STX7: variants seen among roughly 807,000 people sequenced by gnomAD.
The protein encoded by STX7 is syntaxin 7.
Under a neutral mutation model 39.6 loss-of-function variants are expected in STX7, and 34 were observed. That is an observed-to-expected ratio of 0.86 (90% CI 0.65 to 1.14). The LOEUF (loss-of-function observed/expected upper bound fraction) is 1.14. Ranked by LOEUF, STX7 falls within the 50% of genes most tolerant of loss-of-function variation. The pLI is 0.00. For missense variants in STX7, 284 were observed against 310.4 expected (o/e 0.92, Z 0.64); for synonymous variants, 119 against 99.1 (o/e 1.20, Z -1.19).
chr6:132,471,045 T>C (rs1322606924), intron 5 of STX7, among the ~76,000 whole-genome samples: 3 of 152,198 alleles, frequency 2.0e-5, no homozygotes, highest in African/African-American at 7.2e-5. Flanking sequence ...TCCAGGCTCA[T>C]GTTCATTTTC....
chr6:132,501,266 C>T (rs1775552869), intron 2 of STX7, among the ~76,000 whole-genome samples: 1 of 152,084 alleles, frequency 6.6e-6, no homozygotes, highest in African/African-American at 2.4e-5. Context: ...GTTGGTCAGG[C>T]TGGTCTCGAA....
At chr6:132,495,760 A>C (rs1371467126) in intron 2 of STX7, among the ~76,000 whole-genome samples, 1 of 152,184 alleles carries the variant, frequency 6.6e-6, no homozygotes, top group Non-Finnish European at 1.5e-5. Context: ...TGATCATTCT[A>C]AAAGTAACAA....
intron 1 of STX7, 104 bp from the exon 2 acceptor site, chr6:132,503,692 T>C (rs1052156585): frequency 4.0e-6 from 2 of 504,246 alleles, no homozygotes; most frequent in African/African-American, 2.0e-5. Flanking sequence ...ATTAATCTAA[T>C]AGAGTTGAAA....
At chr6:132,475,413 C>A in intron 3 of STX7, 180 bp downstream of exon 3, 1 of 396,790 alleles carries the variant, frequency 2.5e-6, no homozygotes, top group Non-Finnish European at 4.4e-6. Flanking sequence ...CTGCCTACTC[C>A]AGACAGGGAA....
chr6:132,461,865 C>A, intron 9 of STX7: 2 of 1,537,966 alleles, frequency 1.3e-6, no homozygotes, highest in Non-Finnish European at 1.8e-6. Flanking sequence ...CTTTTTCTTA[C>A]AAAGTAGAAA....
chr6:132,500,699 A>G (rs9483469), intron 2 of STX7, among the ~76,000 whole-genome samples: 11,760 of 152,290 alleles, frequency 0.077, 560 homozygotes, highest in East Asian at 0.15. Flanking sequence ...AGTACTATGT[A>G]TCCCAAAAAT....
chr6:132,498,982 CTCTA>C (rs1375611439), intron 2 of STX7, among the ~76,000 whole-genome samples: 1 of 152,144 alleles, frequency 6.6e-6, no homozygotes, highest in Non-Finnish European at 1.5e-5. Context: ...CCCGCCCATT[CTCTA>C]TCTGATGACC....
At position 132,453,696 on chromosome 6, in the gene STX7, G is replaced by A. The variant is rs2114324896; in HGVS notation, c.*7062C>T. The A allele has an allele frequency of 6.6e-6, 1 of 152,106 alleles. No individual in the cohort carries two copies. Among genetic ancestry groups the A allele is most frequent in the African/African-American group, 2.4e-5 (1 of 41,534 alleles). The allele number at this position is 152,106 out of a possible 1,614,324, so 9.4% of individuals were successfully genotyped here. ...AAGATGCTCAACATCATTGCCATTA[G>A]CGAAGGGAAAATGGTAAATCAAAAC... On this transcript the variant is annotated 3_prime_UTR_variant, in exon 10 of 10. Transcript: ENST00000367941.
chr6:132,471,672 CTTTA>C (rs763420351), intron 4 of STX7, 72 bp from the exon 5 acceptor site: 15 of 1,565,362 alleles, frequency 9.6e-6, no homozygotes, highest in Middle Eastern at 1.8e-4. Flanking sequence ...GTAGTTGGCT[CTTTA>C]TTTAACCCTG....
intron 2 of STX7, among the ~76,000 whole-genome samples, chr6:132,482,515 A>G (rs912639567): frequency 6.6e-6 from 1 of 152,238 alleles, no homozygotes; most frequent in Non-Finnish European, 1.5e-5. Context: ...TTAGTACAAG[A>G]GCTAGGGTTA....
intron 2 of STX7, among the ~76,000 whole-genome samples, chr6:132,495,431 T>C (rs1259169296): frequency 6.6e-6 from 1 of 152,142 alleles, no homozygotes; most frequent in East Asian, 1.9e-4. Flanking sequence ...AGATGTGCAA[T>C]CTTAGACATA....
intron 2 of STX7, among the ~76,000 whole-genome samples, chr6:132,482,511 C>T (rs1301954613): frequency 6.6e-6 from 1 of 152,144 alleles, no homozygotes; most frequent in African/African-American, 2.4e-5. Flanking sequence ...CTATTTAGTA[C>T]AAGAGCTAGG....
intron 5 of STX7, 41 bp from the exon 6 acceptor site, chr6:132,470,667 A>G (rs1437611192): frequency 6.8e-7 from 1 of 1,467,708 alleles, no homozygotes; most frequent in Admixed American, 1.8e-5. Context: ...AAGGGGCAAA[A>G]AAAGCAAAAA....
chr6:132,475,712 C>T, intron 2 of STX7, 50 bp from the exon 3 acceptor site: 1 of 1,339,460 alleles, frequency 7.5e-7, no homozygotes, highest in African/African-American at 1.5e-5. Context: ...GTTAAGGTAA[C>T]AGAAAGAGTT....
rs141093062 is a variant in STX7 at position 132,460,292 on chromosome 6, A to G, written c.*466T>C. On this transcript the variant is annotated 3_prime_UTR_variant, in exon 10 of 10. Transcript: ENST00000367941. ...TGAACCAGAAAAATACAACCCATGT[A>G]TAGACCTTAATTATTTTACATTATT... The G allele has an allele frequency of 6.5e-6, 1 of 152,728 alleles. No homozygotes were observed. The highest frequency in any genetic ancestry group is 2.4e-5 in the African/African-American group (1 of 41,578). The allele number at this position is 152,728 out of a possible 1,614,324, so 9.5% of individuals were successfully genotyped here. A position where few individuals can be genotyped will look rare whatever the true frequency, so the allele number is the denominator to read the frequency against.
rs552033207 is a variant in STX7 at position 132,464,906 on chromosome 6, T to C, written c.611-831A>G. Among the ~76,000 whole-genome samples the C allele has an allele frequency of 3.3e-5, 5 of 152,276 alleles. No homozygotes were observed. The South Asian group carries it at 1.0e-3, about 32-fold the overall frequency. On this transcript the variant is annotated intron_variant, in intron 8 of 9. Coordinates refer to ENST00000367941, the MANE Select transcript of STX7 (RefSeq NM_003569.3). ...GCCTGGAGGTGGAACGGGTGTCATT[T>C]TGAAGCATGAGACCCTTTGCCCTTG... is the stretch of plus-strand genomic sequence containing the variant.
At chr6:132,481,226 G>T (rs1775008634) in intron 2 of STX7, among the ~76,000 whole-genome samples, 1 of 152,118 alleles carries the variant, frequency 6.6e-6, no homozygotes, top group Non-Finnish European at 1.5e-5. Flanking sequence ...AAATTATAGT[G>T]AAATTTATTT....
At chr6:132,484,718 C>T (rs1416244382) in intron 2 of STX7, among the ~76,000 whole-genome samples, 2 of 152,070 alleles carry the variant, frequency 1.3e-5, no homozygotes. Context: ...CAGACTCAGC[C>T]ACATCACACT....
intron 1 of STX7, among the ~76,000 whole-genome samples, chr6:132,506,412 A>G (rs1775706909): frequency 6.6e-6 from 1 of 152,180 alleles, no homozygotes; most frequent in Non-Finnish European, 1.5e-5. Context: ...AAAACCCCAC[A>G]AATAACCCCA....
Sources: gnomAD v4.1 joint callset for allele counts (sites outside exome capture counted in the v4.1 genomes callset) on GRCh38, gnomAD v4.1.1 for gene constraint, MANE v1.5 for transcripts, NCBI Gene and HGNC (gene_info 2026-07-23, HGNC 2026-07-21) for gene names.